DTX3: variants seen among roughly 807,000 people sequenced by gnomAD.
The protein encoded by DTX3 is deltex E3 ubiquitin ligase 3.
Under a neutral mutation model 27.4 loss-of-function variants are expected in DTX3, and 10 were observed. The observed-to-expected ratio is 0.36, with a 90% confidence interval of 0.22 to 0.62. DTX3 has a LOEUF of 0.62. Ranked by LOEUF, DTX3 falls within the 20% of genes least tolerant of loss-of-function variation. The probability of loss-of-function intolerance (pLI) is 0.68; values close to 1 mark genes in which losing one functional copy is unlikely to be tolerated. For missense variants in DTX3, 319 were observed against 463.8 expected (o/e 0.69, Z 2.87); for synonymous variants, 171 against 190.7 (o/e 0.90, Z 0.85).
chr12:57,609,263 TCTGA>T lies in DTX3; in HGVS notation c.*115_*118del. The T allele has an allele frequency of 1.0e-6, 1 of 977,714 alleles. No homozygotes were observed. The allele number at this position is 977,714 out of a possible 1,614,324, so 60.6% of individuals were successfully genotyped here. A position where few individuals can be genotyped will look rare whatever the true frequency, so the allele number is the denominator to read the frequency against. ...CCACACCACACCTGTAGGGGACCTGTCTGACTGGGAAGGGAGTTCCGAGAGGGAG... is the reference window on the plus strand; with the variant it reads ...CCACACCACACCTGTAGGGGACCTGTCTGGGAAGGGAGTTCCGAGAGGGAG... On this transcript the variant is annotated 3_prime_UTR_variant, in exon 7 of 7. Coordinates refer to ENST00000337737, the MANE Select transcript of DTX3 (RefSeq NM_178502.4).
At position 57,608,978 on chromosome 12, in the gene DTX3, T is replaced by G; in HGVS notation, c.969-99T>G. 8.5e-7 allele frequency: 1 copy of G among 1,175,162 alleles called. No individual in the cohort carries two copies. The highest frequency in any genetic ancestry group is 1.3e-6 in the Non-Finnish European group (1 of 798,056). 72.8% of individuals were successfully genotyped at this position (1,175,162 alleles called of 1,614,324 possible). ...TGGAGGTGTCCTCCCTTAGGGGAGGTGGGGAGGTGTCTGAGCCACCTAGAA... is the reference window on the plus strand; with the variant it reads ...TGGAGGTGTCCTCCCTTAGGGGAGGGGGGGAGGTGTCTGAGCCACCTAGAA... On this transcript the variant is annotated intron_variant, in intron 6 of 6. Transcript: ENST00000337737. The surrounding 1 kb of genome is among the most constrained non-coding windows in gnomAD (Gnocchi z 6.1).
In DTX3 at chr12:57,609,651, C is replaced by T; in HGVS notation, c.*499C>T. 5.8e-6 allele frequency: 1 copy of T among 171,548 alleles called. No individual in the cohort carries two copies. The highest frequency in any genetic ancestry group is 1.3e-5 in the Non-Finnish European group (1 of 78,466). The allele number at this position is 171,548 out of a possible 1,614,324, so 10.6% of individuals were successfully genotyped here. Reference sequence around the variant, plus strand: ...TCATCAGATACAGTTCTCCCTTAACCTTGTCCTTTCTCTCCTGTGTCTCAG... The same window carrying T: ...TCATCAGATACAGTTCTCCCTTAACTTTGTCCTTTCTCTCCTGTGTCTCAG... On this transcript the variant is annotated 3_prime_UTR_variant, in exon 7 of 7. Coordinates refer to ENST00000337737, the MANE Select transcript of DTX3 (RefSeq NM_178502.4).
Position 57,608,830 on chromosome 12 carries a change from T to C in DTX3, c.968+93T>C. On this transcript the variant is annotated intron_variant, in intron 6 of 6. Transcript: ENST00000337737. This position sits in a 1 kb window ranked among gnomAD's most constrained non-coding sequence, Gnocchi z 6.1. ...CCAACCCCTCGCTCACGGAGCCTCC[T>C]AACTGGAGAGAACCACTTCCAAACT... 1 of 1,428,512 alleles carries C rather than the reference T, an allele frequency of 7.0e-7. No homozygotes were observed. The highest frequency in any genetic ancestry group is 1.2e-5 in the South Asian group (1 of 82,148). 88.5% of individuals were successfully genotyped at this position (1,428,512 alleles called of 1,614,324 possible). A position where few individuals can be genotyped will look rare whatever the true frequency, so the allele number is the denominator to read the frequency against.
In DTX3 at chr12:57,606,494, C is replaced by T. The variant is rs1883726486; in HGVS notation, c.-24C>T. 1.9e-6 allele frequency: 3 copies of T among 1,613,934 alleles called. No homozygotes were observed. Among genetic ancestry groups the T allele is most frequent in the Non-Finnish European group, 1.7e-6 (2 of 1,179,968 alleles). On this transcript the variant is annotated 5_prime_UTR_variant, in exon 4 of 7. Coordinates refer to ENST00000337737, the MANE Select transcript of DTX3 (RefSeq NM_178502.4). Reference sequence around the variant, plus strand: ...GGGAAAGAAGAGTGAGCCTGCATGCCAATTCTAAGCTCTTCAGGATCAAAG... The same window carrying T: ...GGGAAAGAAGAGTGAGCCTGCATGCTAATTCTAAGCTCTTCAGGATCAAAG...
In DTX3 at chr12:57,605,676, C is replaced by T. The variant is rs1393331371; in HGVS notation, c.-194C>T. 6.6e-6 allele frequency: 1 copy of T among 152,268 alleles called. No homozygotes were observed. Among genetic ancestry groups the T allele is most frequent in the East Asian group, 1.9e-4 (1 of 5,192 alleles). 9.4% of individuals were successfully genotyped at this position (152,268 alleles called of 1,614,324 possible). ...AGCCCTTGTGTGAGCCCCGCCCCTC[C>T]CTAAATGCCAGACTTGGGAGCTGAC... On this transcript the variant is annotated 5_prime_UTR_variant, in exon 2 of 7. Coordinates refer to ENST00000337737, the MANE Select transcript of DTX3 (RefSeq NM_178502.4).
chr12:57,608,810 CCCTCGCTCACGGAG>C lies in DTX3; in HGVS notation c.968+78_968+91del. 2.6e-6 allele frequency: 4 copies of C among 1,535,238 alleles called. No individual in the cohort carries two copies. Among genetic ancestry groups the C allele is most frequent in the Non-Finnish European group, 3.6e-6 (4 of 1,122,966 alleles). On this transcript the variant is annotated intron_variant, in intron 6 of 6. Transcript: ENST00000337737. This position sits in a 1 kb window ranked among gnomAD's most constrained non-coding sequence, Gnocchi z 6.1. ...CATTTCCACTGAGGGACCCACCAACCCCTCGCTCACGGAGCCTCCTAACTGGAGAGAACCACTTC... is the reference window on the plus strand; with the variant it reads ...CATTTCCACTGAGGGACCCACCAACCCCTCCTAACTGGAGAGAACCACTTC...
Position 57,608,853 on chromosome 12 carries a change from A to C in DTX3, c.968+116A>C. 1 of 1,289,534 alleles carries C rather than the reference A, an allele frequency of 7.8e-7. No homozygotes were observed. The highest frequency in any genetic ancestry group is 1.1e-6 in the Non-Finnish European group (1 of 910,402). 79.9% of individuals were successfully genotyped at this position (1,289,534 alleles called of 1,614,324 possible). ...CCTAACTGGAGAGAACCACTTCCAA[A>C]CTGTTCAGCCATCTCAGTTTCTCCT... On this transcript the variant is annotated intron_variant, in intron 6 of 6. Transcript: ENST00000337737. The surrounding 1 kb of genome is among the most constrained non-coding windows in gnomAD (Gnocchi z 6.1).
In DTX3 at chr12:57,608,445, G is replaced by A; in HGVS notation, c.751-75G>A. On this transcript the variant is annotated intron_variant, in intron 5 of 6. Transcript: ENST00000337737. This position sits in a 1 kb window ranked among gnomAD's most constrained non-coding sequence, Gnocchi z 6.1. ...GGGTGCTCAGACAGAGACTAGCCTG[G>A]ATGACCCTCCTCTGGCATCTGGGCC... 7.3e-7 allele frequency: 1 copy of A among 1,370,252 alleles called. No homozygotes were observed. Among genetic ancestry groups the A allele is most frequent in the Non-Finnish European group, 1.0e-6 (1 of 987,450 alleles). The allele number at this position is 1,370,252 out of a possible 1,614,324, so 84.9% of individuals were successfully genotyped here. A position where few individuals can be genotyped will look rare whatever the true frequency, so the allele number is the denominator to read the frequency against.
At chr12:57,605,340 G>A (rs534854519) in intron 1 of DTX3, 3 of 152,272 alleles carry the variant, frequency 2.0e-5, no homozygotes, top group African/African-American at 7.2e-5. Flanking sequence ...TTCTGTGCCA[G>A]CAGGACTTGG....
chr12:57,605,512 T>C (rs1655241925), intron 1 of DTX3, 59 bp from the exon 2 acceptor site: 1 of 152,288 alleles, frequency 6.6e-6, no homozygotes, highest in African/African-American at 2.4e-5. Context: ...GGACAGCTGC[T>C]CCTTCTTGGA....
rs773011018 is a variant in DTX3, at chr12:57,607,188, G to T, written c.325G>T (p.Gly109Trp). Reference protein sequence around the residue: ...QGELMGCLALGGGGEHPEMHR... With the variant: ...QGELMGCLALWGGGEHPEMHR... ...GGAGCTGATGGGCTGCCTGGCTCTG[G>T]GGGGTGGAGGGGAGCACCCTGAGAT... Residue 109 changes from glycine to tryptophan, a missense_variant, in exon 5 of 7, where the codon GGG becomes TGG. Coordinates refer to ENST00000337737, the MANE Select transcript of DTX3 (RefSeq NM_178502.4). This position sits in a 1 kb window ranked among gnomAD's most constrained non-coding sequence, Gnocchi z 7.7. 6.2e-7 allele frequency: 1 copy of T among 1,613,396 alleles called. No homozygotes were observed. Among genetic ancestry groups the T allele is most frequent in the South Asian group, 1.1e-5 (1 of 91,074 alleles).
Position 57,607,607 on chromosome 12 carries a change from C to A in DTX3, c.744C>A (p.Val248=). ...IVIQYVFPPG[V]QGAEHPNPGV... is the part of the protein sequence containing the mutation. ...TCCAGTACGTCTTCCCGCCCGGTGT[C>A]CAGGGGGTAAGAAGACCATGGCCTG... The change falls in exon 5 of 7, where the codon GTC becomes GTA. Residue 248 remains valine (V), a synonymous_variant. Coordinates refer to ENST00000337737, the MANE Select transcript of DTX3 (RefSeq NM_178502.4). The surrounding 1 kb of genome is among the most constrained non-coding windows in gnomAD (Gnocchi z 7.7). The A allele has an allele frequency of 1.2e-6, 2 of 1,614,108 alleles. No homozygotes were observed. Among genetic ancestry groups the A allele is most frequent in the South Asian group, 2.2e-5 (2 of 91,074 alleles).
Position 57,607,831 on chromosome 12 carries a change from GA to G in DTX3, c.750+228del, listed in dbSNP as rs992798306. On this transcript the variant is annotated intron_variant, in intron 5 of 6. Transcript: ENST00000337737. The surrounding 1 kb of genome is among the most constrained non-coding windows in gnomAD (Gnocchi z 7.7). ...CACGTGAAAATCAGATATGAGCTAG[GA>G]AAAAAAAAAGCAAATCAGATATGAG... 2.5e-4 allele frequency among the ~76,000 whole-genome samples: 37 copies of G among 147,384 alleles called. No homozygotes were observed. The highest frequency in any genetic ancestry group is 3.8e-4 in the Non-Finnish European group (25 of 66,482).
chr12:57,609,288 G>A lies in DTX3; in HGVS notation c.*136G>A. 1.3e-6 allele frequency: 1 copy of A among 764,942 alleles called. No homozygotes were observed. The allele number at this position is 764,942 out of a possible 1,614,324, so 47.4% of individuals were successfully genotyped here. A position where few individuals can be genotyped will look rare whatever the true frequency, so the allele number is the denominator to read the frequency against. On this transcript the variant is annotated 3_prime_UTR_variant, in exon 7 of 7. Coordinates refer to ENST00000337737, the MANE Select transcript of DTX3 (RefSeq NM_178502.4). ...TCTGACTGGGAAGGGAGTTCCGAGA[G>A]GGAGGGGGCAATCCCTTCCCCCATC...
Position 57,608,753 on chromosome 12 carries a change from A to G in DTX3, c.968+16A>G. 2 of 1,613,082 alleles carry G rather than the reference A, an allele frequency of 1.2e-6. No homozygotes were observed. The highest frequency in any genetic ancestry group is 2.2e-5 in the South Asian group (2 of 90,922). On this transcript the variant is annotated intron_variant, in intron 6 of 6. Coordinates refer to ENST00000337737, the MANE Select transcript of DTX3 (RefSeq NM_178502.4). This position sits in a 1 kb window ranked among gnomAD's most constrained non-coding sequence, Gnocchi z 6.1. The stretch of plus-strand genomic sequence containing the variant: ...GACCCCAGCTGTGCGACCCCTCTTC[A>G]TTTCCTTTCCCTTGGCTCCTCCCCT...
At chr12:57,606,338 C>A (rs918298887) in intron 3 of DTX3, 86 bp downstream of exon 3, 32 of 801,728 alleles carry the variant, frequency 4.0e-5, no homozygotes, top group Non-Finnish European at 5.9e-5. Context: ...TTCTTAGTAA[C>A]CTATACCCAG....
At position 57,607,412 on chromosome 12, in the gene DTX3, A is replaced by G; in HGVS notation, c.549A>G (p.Ser183=). Residue 183 remains serine (S), a synonymous_variant, in exon 5 of 7, where the codon TCA becomes TCG. Coordinates refer to ENST00000337737, the MANE Select transcript of DTX3 (RefSeq NM_178502.4). The surrounding 1 kb of genome is among the most constrained non-coding windows in gnomAD (Gnocchi z 7.7). The stretch of plus-strand genomic sequence containing the variant: ...AGACATTGGAGAAGTGCCGGCATTC[A>G]TTCTGCGAGGGCTGCATCACCCGGG... ...NAKTLEKCRH[S]FCEGCITRAL... 2 of 1,614,006 alleles carry G rather than the reference A, an allele frequency of 1.2e-6. No homozygotes were observed. Among genetic ancestry groups the G allele is most frequent in the Non-Finnish European group, 1.7e-6 (2 of 1,179,940 alleles).
Position 57,608,244 on chromosome 12 carries a change from A to C in DTX3, c.751-276A>C, listed in dbSNP as rs1463418190. Among the ~76,000 whole-genome samples, 1 of 151,668 alleles carries C rather than the reference A, an allele frequency of 6.6e-6. No homozygotes were observed. Among genetic ancestry groups the C allele is most frequent in the Non-Finnish European group, 1.5e-5 (1 of 67,868 alleles). On this transcript the variant is annotated intron_variant, in intron 5 of 6. Transcript: ENST00000337737. This position sits in a 1 kb window ranked among gnomAD's most constrained non-coding sequence, Gnocchi z 6.1. ...GGAGTGTAGGGACCAGCTAACTTCC[A>C]TCACTTCTGAGAATCCATTTGTTGC...
At chr12:57,605,070 G>C (rs1883651894) in intron 1 of DTX3, 2 of 152,466 alleles carry the variant, frequency 1.3e-5, no homozygotes, top group East Asian at 1.9e-4. Context: ...CGATCGGGCC[G>C]ACATGCACCC....
Sources: allele counts gnomAD v4.1 joint callset (sites outside exome capture counted in the v4.1 genomes callset), GRCh38; gene constraint gnomAD v4.1.1; non-coding constraint Gnocchi (gnomAD v3.1); transcripts MANE v1.5; gene names NCBI Gene and HGNC (gene_info 2026-07-23, HGNC 2026-07-21).